The following RHPN2 variants were observed in gnomAD, a reference collection of about 807,000 sequenced individuals.
The protein encoded by RHPN2 is rhophilin Rho GTPase binding protein 2, also known as rhophilin-2.
In RHPN2, 40 loss-of-function variants were observed where a neutral mutation model predicts 79.0. The observed-to-expected ratio is 0.51, with a 90% CI of 0.39 to 0.66. RHPN2 has a LOEUF of 0.66. RHPN2 is among the 30% of genes least tolerant of loss of function. RHPN2 has a pLI of 0.00. For missense variants in RHPN2, 686 were observed against 883.5 expected (o/e 0.78, Z 2.83); for synonymous variants, 285 against 363.5 (o/e 0.78, Z 2.46).
chr19:32,988,219 A>C (rs1351888607), intron 14 of RHPN2, among the ~76,000 whole-genome samples: 2 of 146,400 alleles, frequency 1.4e-5, no homozygotes, highest in East Asian at 2.0e-4. Context: ...CAACAAAAAA[A>C]AAAACAAAAC....
At chr19:33,051,468 G>A (rs1484911107) in intron 1 of RHPN2, 4 of 153,686 alleles carry the variant, frequency 2.6e-5, no homozygotes, top group East Asian at 1.9e-4. Flanking sequence ...TACGTGTACA[G>A]CAACCGTTTA....
chr19:33,033,905 A>T (rs1251845795), intron 2 of RHPN2, among the ~76,000 whole-genome samples: 2 of 151,824 alleles, frequency 1.3e-5, no homozygotes, highest in Non-Finnish European at 2.9e-5. Flanking sequence ...AATAAATAAA[A>T]ACTGAGACCC....
Position 33,008,184 on chromosome 19 carries a change from T to A in RHPN2, c.594-4A>T, listed in dbSNP as rs985693079. On this transcript the variant is annotated splice_region_variant and splice_polypyrimidine_tract_variant and intron_variant, in intron 6 of 14. Coordinates refer to ENST00000254260, the MANE Select transcript of RHPN2 (RefSeq NM_033103.5). ...AACCCCGGTGAGAGAGTCATACCTA[T>A]GTGAAAGAAATGCATTCCGAGAATA... is the stretch of plus-strand genomic sequence containing the variant. 2 of 1,613,696 alleles carry A rather than the reference T, an allele frequency of 1.2e-6. No individual in the cohort carries two copies. Among genetic ancestry groups the A allele is most frequent in the Non-Finnish European group, 1.7e-6 (2 of 1,179,862 alleles).
chr19:33,022,113 G>A (rs1315050019), intron 3 of RHPN2, among the ~76,000 whole-genome samples: 2 of 150,074 alleles, frequency 1.3e-5, no homozygotes, highest in East Asian at 3.9e-4. Flanking sequence ...GCTAATTTTT[G>A]TATATTTTTT....
At chr19:33,062,245 G>A (rs778596518) in intron 1 of RHPN2, among the ~76,000 whole-genome samples, 25 of 152,124 alleles carry the variant, frequency 1.6e-4, no homozygotes, top group Admixed American at 2.6e-4. Context: ...TGGATCACCT[G>A]AGGTCAGGAG....
intron 2 of RHPN2, among the ~76,000 whole-genome samples, chr19:33,036,456 G>A (rs534938692): frequency 2.0e-5 from 3 of 152,230 alleles, no homozygotes; most frequent in African/African-American, 7.2e-5. Flanking sequence ...CAGTGGGCTA[G>A]TGAGAGGTGA....
At chr19:33,001,876 T>C (rs1483031698) in intron 9 of RHPN2, among the ~76,000 whole-genome samples, 2 of 152,218 alleles carry the variant, frequency 1.3e-5, no homozygotes, top group African/African-American at 4.8e-5. Context: ...AGTGCTGAGA[T>C]TACAGGCATG....
intron 4 of RHPN2, among the ~76,000 whole-genome samples, chr19:33,014,673 G>A (rs1000597159): frequency 6.6e-6 from 1 of 152,038 alleles, no homozygotes; most frequent in African/African-American, 2.4e-5. Flanking sequence ...TAATCCCAGT[G>A]CTTTGGGAGG....
intron 1 of RHPN2, among the ~76,000 whole-genome samples, chr19:33,062,495 C>A (rs908243293): frequency 6.7e-6 from 1 of 148,834 alleles, no homozygotes; most frequent in East Asian, 2.0e-4. Flanking sequence ...TGTAGCCGGG[C>A]GCAGTGGCTT....
At chr19:33,016,094 C>G (rs1453450155) in intron 4 of RHPN2, among the ~76,000 whole-genome samples, 1 of 151,842 alleles carries the variant, frequency 6.6e-6, no homozygotes, top group Non-Finnish European at 1.5e-5. Context: ...AGAAATAATA[C>G]CTTTCACAAT....
chr19:33,029,509 G>A (rs1048693100), intron 2 of RHPN2, among the ~76,000 whole-genome samples: 3 of 137,800 alleles, frequency 2.2e-5, no homozygotes, highest in Non-Finnish European at 4.5e-5. Context: ...CTGGGCGACA[G>A]AGCGAGACTC....
chr19:33,043,474 C>G (rs1169588498), intron 2 of RHPN2, among the ~76,000 whole-genome samples: 2 of 152,104 alleles, frequency 1.3e-5, no homozygotes, highest in African/African-American at 4.8e-5. Context: ...ATCACTTGAA[C>G]CCAGGAGACA....
intron 14 of RHPN2, among the ~76,000 whole-genome samples, chr19:32,988,066 G>T (rs1396207385): frequency 6.6e-6 from 1 of 152,004 alleles, no homozygotes; most frequent in Admixed American, 6.6e-5. Flanking sequence ...AGGCATAGTG[G>T]TACACACCTG....
intron 2 of RHPN2, among the ~76,000 whole-genome samples, chr19:33,038,547 G>A (rs1320335552): frequency 6.6e-6 from 1 of 152,008 alleles, no homozygotes; most frequent in Admixed American, 6.6e-5. Flanking sequence ...GGAGTGCAAT[G>A]GCATGATTGC....
intron 4 of RHPN2, among the ~76,000 whole-genome samples, chr19:33,017,681 ATAGTG>A (rs1482177436): frequency 6.8e-6 from 1 of 147,782 alleles, no homozygotes; most frequent in East Asian, 2.0e-4. Flanking sequence ...CCTGGGCATC[ATAGTG>A]AGGAGACCCC....
chr19:33,023,243 T>C (rs566762824), intron 3 of RHPN2, among the ~76,000 whole-genome samples: 1 of 152,080 alleles, frequency 6.6e-6, no homozygotes, highest in East Asian at 1.9e-4. Context: ...AAGACCAGCC[T>C]GGCCAACATG....
intron 3 of RHPN2, among the ~76,000 whole-genome samples, chr19:33,022,151 A>G (rs969265695): frequency 2.6e-5 from 4 of 151,914 alleles, no homozygotes; most frequent in Non-Finnish European, 5.9e-5. Flanking sequence ...CGCCATGTTG[A>G]CCACGTTGGC....
At chr19:33,006,445 C>T (rs1235103647) in intron 7 of RHPN2, among the ~76,000 whole-genome samples, 1 of 152,120 alleles carries the variant, frequency 6.6e-6, no homozygotes, top group Admixed American at 6.6e-5. Flanking sequence ...AGAAATTTCA[C>T]GATGAGTCAA....
intron 2 of RHPN2, among the ~76,000 whole-genome samples, chr19:33,035,558 T>C (rs1972049423): frequency 6.6e-6 from 1 of 152,162 alleles, no homozygotes; most frequent in African/African-American, 2.4e-5. Flanking sequence ...GATTCAGAAA[T>C]CAACCCTGGC....
Sources: allele counts gnomAD v4.1 joint callset (sites outside exome capture counted in the v4.1 genomes callset), GRCh38; gene constraint gnomAD v4.1.1; transcripts MANE v1.5; gene names NCBI Gene and HGNC (gene_info 2026-07-23, HGNC 2026-07-21).